Variants in MYBPC3 observed in about 807,000 individuals in gnomAD.
The protein encoded by MYBPC3 is myosin binding protein C3, also known as myosin-binding protein C, cardiac-type.
MYBPC3 carries 108 observed loss-of-function variants against 159.3 expected under a neutral mutation model. That is an observed-to-expected ratio of 0.68 (90% CI 0.58 to 0.80). MYBPC3 has a LOEUF of 0.80. Ranked by LOEUF, MYBPC3 falls within the 30% of genes least tolerant of loss-of-function variation. The pLI, the probability that MYBPC3 is intolerant of heterozygous loss-of-function variation, is 0.00. For missense variants in MYBPC3, 1,631 were observed against 1,762.1 expected, an observed-to-expected ratio of 0.93 and a Z score of 1.33; for synonymous variants, 730 against 702.0, an observed-to-expected ratio of 1.04 and a Z score of -0.63.
Position 47,336,049 on chromosome 11 carries a change from C to T in MYBPC3, c.2603-38G>A, listed in dbSNP as rs375016352. On this transcript the variant is annotated intron_variant, in intron 25 of 34. Transcript: ENST00000545968. ...GAGGTCAGAGAGGGGTCTGAGCAAG[C>T]CTGGGGAAGCTGGAGATCCATGCCC... 2.1e-5 allele frequency: 30 copies of T among 1,400,820 alleles called. No individual in the cohort carries two copies. In the South Asian group the frequency reaches 2.7e-4, roughly 13 times the overall value. The allele number at this position is 1,400,820 out of a possible 1,614,324, so 86.8% of individuals were successfully genotyped here.
At chr11:47,347,352 G>A in intron 9 of MYBPC3, 74 bp downstream of exon 9, 4 of 1,551,502 alleles carry the variant, frequency 2.6e-6, no homozygotes, top group Non-Finnish European at 3.5e-6. Flanking sequence ...GGGTCACACA[G>A]CTGGCAAACC....
In MYBPC3 at chr11:47,337,514, G is replaced by T. The variant is rs375322174; in HGVS notation, c.2479C>A (p.Gln827Lys). The change falls in exon 25 of 35, where the codon CAG becomes AAG. Residue 827 changes from glutamine to lysine, a missense_variant. By Grantham distance (53) the Gln-to-Lys change is moderately conservative (BLOSUM62 1). Transcript: ENST00000545968. ...CGCCGCGCTTCATGACTCAGCTCCT[G>T]AATCAGGTCGAAGTTCAGCCGCATC... is the stretch of plus-strand genomic sequence containing the variant. ...RWMRLNFDLI[Q>K]ELSHEARRMI... The T allele has an allele frequency of 4.3e-6, 7 of 1,614,028 alleles. No individual in the cohort carries two copies. Among genetic ancestry groups the T allele is most frequent in the Non-Finnish European group, 8.5e-7 (1 of 1,179,902 alleles).
rs397516031 is a variant in MYBPC3, at chr11:47,332,565, C to T, written c.3627+1G>A. The T allele has an allele frequency of 6.2e-7, 1 of 1,605,646 alleles. No individual in the cohort carries two copies. Among genetic ancestry groups the T allele is most frequent in the Non-Finnish European group, 8.5e-7 (1 of 1,173,668 alleles). On this transcript the variant is annotated splice_donor_variant, in intron 32 of 34. Transcript: ENST00000545968. LOFTEE classifies it high-confidence loss of function. The surrounding 1 kb of genome is among the most constrained non-coding windows in gnomAD (Gnocchi z 4.2). ...CTGGACCAGCGCCTAAAGTTCCCTA[C>T]CTTGGGGCTACCCCGGACAGCACAG...
At position 47,337,487 on chromosome 11, in the gene MYBPC3, T is replaced by C. The variant is rs1411780602; in HGVS notation, c.2506A>G (p.Met836Val). Reference sequence around the variant, plus strand: ...ATCTCGTACACCACGCCCTCGATCATGCGCCGCGCTTCATGACTCAGCTCC... The same window carrying C: ...ATCTCGTACACCACGCCCTCGATCACGCGCCGCGCTTCATGACTCAGCTCC... The part of the protein sequence containing the change: ...IQELSHEARR[M>V]IEGVVYEMRV... Residue 836 changes from methionine (M) to valine (V), a missense_variant, in exon 25 of 35, where the codon ATG becomes GTG. Transcript: ENST00000545968. The C allele has an allele frequency of 3.1e-6, 5 of 1,613,980 alleles. No homozygotes were observed. The highest frequency in any genetic ancestry group is 1.1e-5 in the South Asian group (1 of 91,086).
At chr11:47,344,772 A>T (rs2095892549) in intron 12 of MYBPC3, among the ~76,000 whole-genome samples, 1 of 152,182 alleles carries the variant, frequency 6.6e-6, no homozygotes, top group African/African-American at 2.4e-5. Context: ...TAAAGCACCT[A>T]GTGGCTGGCT....
At chr11:47,345,436 A>C (rs2095893165) in intron 12 of MYBPC3, among the ~76,000 whole-genome samples, 1 of 152,122 alleles carries the variant, frequency 6.6e-6, no homozygotes, top group South Asian at 2.1e-4. Flanking sequence ...CCCCGTCCCC[A>C]TGATCGTGTG....
At chr11:47,336,925 T>A (rs2095882874) in intron 25 of MYBPC3, among the ~76,000 whole-genome samples, 2 of 152,214 alleles carry the variant, frequency 1.3e-5, no homozygotes, top group South Asian at 4.1e-4. Flanking sequence ...CACAGACAGA[T>A]GCCCCTGAGA....
In MYBPC3 at chr11:47,337,444, T is replaced by A. The variant is rs730880570; in HGVS notation, c.2549A>T (p.Asn850Ile). 6.2e-7 allele frequency: 1 copy of A among 1,612,306 alleles called. No individual in the cohort carries two copies. Residue 850 changes from asparagine to isoleucine, a missense_variant, in exon 25 of 35, where the codon AAC (asparagine) becomes ATC (isoleucine). By Grantham distance (149) the Asn-to-Ile change is moderately radical. Coordinates refer to ENST00000545968, the MANE Select transcript of MYBPC3 (RefSeq NM_000256.3). Reference sequence around the variant, plus strand: ...GCTGGGCCTGGACATGCCGATGGCGTTGACCGCGTAGACGCGCATCTCGTA... The same window carrying A: ...GCTGGGCCTGGACATGCCGATGGCGATGACCGCGTAGACGCGCATCTCGTA... ...VVYEMRVYAVNAIGMSRPSPA... is the reference protein window; with the variant it reads ...VVYEMRVYAVIAIGMSRPSPA...
At chr11:47,331,954 G>C (rs1023496398) in intron 33 of MYBPC3, 73 bp from the exon 34 acceptor site, 3 of 1,595,338 alleles carry the variant, frequency 1.9e-6, no homozygotes, top group African/African-American at 2.7e-5. Flanking sequence ...GGCGTGGCAG[G>C]GTCCGTGCCC....
chr11:47,351,216 G>A lies in MYBPC3; in HGVS notation c.292+23C>T, dbSNP rs1386825719. On this transcript the variant is annotated intron_variant, in intron 2 of 34. Coordinates refer to ENST00000545968, the MANE Select transcript of MYBPC3 (RefSeq NM_000256.3). This position sits in a 1 kb window ranked among gnomAD's most constrained non-coding sequence, Gnocchi z 4.2. ...CCCTCCCCCAGCAGCCCAAACCTCA[G>A]GGAAGGCTGATCAGGATCTTACCTG... The A allele has an allele frequency of 1.4e-6, 2 of 1,412,406 alleles. No homozygotes were observed. The highest frequency in any genetic ancestry group is 1.3e-5 in the South Asian group (1 of 75,538). The allele number at this position is 1,412,406 out of a possible 1,614,324, so 87.5% of individuals were successfully genotyped here. A position where few individuals can be genotyped will look rare whatever the true frequency, so the allele number is the denominator to read the frequency against.
intron 12 of MYBPC3, among the ~76,000 whole-genome samples, chr11:47,345,903 C>G (rs1259432851): frequency 6.6e-6 from 1 of 152,122 alleles, no homozygotes; most frequent in South Asian, 2.1e-4. Context: ...AACCTGAGCT[C>G]TGTCCTTTTC....
intron 12 of MYBPC3, among the ~76,000 whole-genome samples, chr11:47,345,014 G>A (rs1347628682): frequency 5.3e-5 from 8 of 152,026 alleles, no homozygotes; most frequent in Non-Finnish European, 7.4e-5. Flanking sequence ...GGTCTTGAAC[G>A]CCTAACCTCA....
chr11:47,337,157 G>A (rs1293224891), intron 25 of MYBPC3, among the ~76,000 whole-genome samples: 1 of 152,142 alleles, frequency 6.6e-6, no homozygotes, highest in Non-Finnish European at 1.5e-5. Flanking sequence ...ACTAGGGGTC[G>A]GCGTAGTGTG....
chr11:47,332,671 G>A lies in MYBPC3; in HGVS notation c.3522C>T (p.Ala1174=). 6.2e-7 allele frequency: 1 copy of A among 1,612,998 alleles called. No homozygotes were observed. Among genetic ancestry groups the A allele is most frequent in the South Asian group, 1.1e-5 (1 of 90,958 alleles). The change falls in exon 32 of 35, where the codon GCC becomes GCT. Residue 1174 remains alanine (A), a synonymous_variant. Transcript: ENST00000545968. This position sits in a 1 kb window ranked among gnomAD's most constrained non-coding sequence, Gnocchi z 4.2. ...AGCTTGGGGCCTCGGAGAAGTCCAGGGCCTTATAGTTGGGTGGCTCATAGG... is the reference window on the plus strand; with the variant it reads ...AGCTTGGGGCCTCGGAGAAGTCCAGAGCCTTATAGTTGGGTGGCTCATAGG... ...GITYEPPNYK[A]LDFSEAPSFT...
At position 47,337,756 on chromosome 11, in the gene MYBPC3, C is replaced by A. The variant is rs1060499878; in HGVS notation, c.2347G>T (p.Val783Leu). 2 of 1,555,540 alleles carry A rather than the reference C, an allele frequency of 1.3e-6. No individual in the cohort carries two copies. Among genetic ancestry groups the A allele is most frequent in the Non-Finnish European group, 1.7e-6 (2 of 1,149,514 alleles). Reference sequence around the variant, plus strand: ...TGTACTGTGCAGGAGTCCTCTCCCACGTTGCTGATCTTGGGGGCCGCAGGT... The same window carrying A: ...TGTACTGTGCAGGAGTCCTCTCCCAAGTTGCTGATCTTGGGGGCCGCAGGT... ...DAPAAPKISN[V>L]GEDSCTVQWE... The change falls in exon 24 of 35, where the codon GTG (valine) becomes TTG (leucine). Residue 783 changes from valine (V) to leucine (L), a missense_variant. Physicochemically the swap from Val to Leu is conservative, Grantham distance 32. Transcript: ENST00000545968.
Position 47,332,488 on chromosome 11 carries a change from G to A in MYBPC3, c.3627+78C>T, listed in dbSNP as rs1390894909. 6.5e-6 allele frequency: 10 copies of A among 1,545,782 alleles called. No individual in the cohort carries two copies. The highest frequency in any genetic ancestry group is 8.7e-6 in the Non-Finnish European group (10 of 1,144,204). On this transcript the variant is annotated intron_variant, in intron 32 of 34. Coordinates refer to ENST00000545968, the MANE Select transcript of MYBPC3 (RefSeq NM_000256.3). This position sits in a 1 kb window ranked among gnomAD's most constrained non-coding sequence, Gnocchi z 4.2. Reference sequence around the variant, plus strand: ...GGAGAGAAAGCAGGGGAGACAGGCTGGGGAGAGGACTGCTCAACGTCGGGG... The same window carrying A: ...GGAGAGAAAGCAGGGGAGACAGGCTAGGGAGAGGACTGCTCAACGTCGGGG...
chr11:47,337,639 C>T (rs1345044367), intron 24 of MYBPC3, 51 bp downstream of exon 24: 2 of 1,610,166 alleles, frequency 1.2e-6, no homozygotes, highest in African/African-American at 2.7e-5. Context: ...ACCACCTTCC[C>T]TCGGATCTGT....
Position 47,348,512 on chromosome 11 carries a change from A to T in MYBPC3, c.684T>A (p.Asp228Glu). ...KVYLFELHIT[D>E]AQPAFTGSYR... is the part of the protein sequence containing the mutation. ...AGCTGCCAGTGAAGGCAGGCTGGGCATCGGTGATGTGCAGCTCGAACAGAT... is the reference window on the plus strand; with the variant it reads ...AGCTGCCAGTGAAGGCAGGCTGGGCTTCGGTGATGTGCAGCTCGAACAGAT... Residue 228 changes from aspartate to glutamate, a missense_variant, in exon 6 of 35, where the codon GAT becomes GAA. By Grantham distance (45) the Asp-to-Glu change is conservative. Transcript: ENST00000545968. The T allele has an allele frequency of 6.2e-7, 1 of 1,613,396 alleles. No individual in the cohort carries two copies.
Position 47,347,419 on chromosome 11 carries a change from G to A in MYBPC3, c.905+7C>T. ...AGCTGCCCCAGGAACTGCCACCCAG[G>A]ACTCACCTCTTTTTCAGCAGTGAGC... On this transcript the variant is annotated splice_region_variant and intron_variant, in intron 9 of 34. Coordinates refer to ENST00000545968, the MANE Select transcript of MYBPC3 (RefSeq NM_000256.3). The A allele has an allele frequency of 6.3e-7, 1 of 1,580,578 alleles. No homozygotes were observed. The highest frequency in any genetic ancestry group is 1.2e-5 in the South Asian group (1 of 85,852).
Sources: allele counts gnomAD v4.1 joint callset (sites outside exome capture counted in the v4.1 genomes callset), GRCh38; gene constraint gnomAD v4.1.1; non-coding constraint Gnocchi (gnomAD v3.1); transcripts MANE v1.5; gene names NCBI Gene and HGNC (gene_info 2026-07-23, HGNC 2026-07-21).